NBEAL1: variants seen among roughly 807,000 people sequenced by gnomAD.
The protein encoded by NBEAL1 is neurobeachin-like protein 1.
Under a neutral mutation model 351.3 loss-of-function variants are expected in NBEAL1, and 273 were observed. That is an observed-to-expected ratio of 0.78 (90% confidence interval 0.70 to 0.86). The LOEUF is 0.86. Ranked by LOEUF, NBEAL1 falls within the 40% of genes least tolerant of loss-of-function variation. NBEAL1 has a pLI of 0.00. For missense variants in NBEAL1, 2,961 were observed against 3,201.3 expected (o/e 0.92, Z 1.81); for synonymous variants, 1,050 against 1,086.4 (o/e 0.97, Z 0.66).
chr2:203,133,127 G>A lies in NBEAL1; in HGVS notation c.3794G>A (p.Arg1265Lys). The change falls in exon 27 of 56, where the codon AGA (arginine) becomes AAA (lysine). Residue 1265 changes from arginine to lysine, a missense_variant. Physicochemically the swap from Arg to Lys is conservative, Grantham distance 26. Transcript: ENST00000683969. ...YISHRAHINVRVAICRKVLQI... is the reference protein window; with the variant it reads ...YISHRAHINVKVAICRKVLQI... The stretch of plus-strand genomic sequence containing the variant: ...TCTCACAGAGCACATATAAATGTTA[G>A]AGTGGCCATCTGCAGAAAGGTCAGT... 1 of 1,496,536 alleles carries A rather than the reference G, an allele frequency of 6.7e-7. No homozygotes were observed. Among genetic ancestry groups the A allele is most frequent in the Non-Finnish European group, 9.1e-7 (1 of 1,103,934 alleles). The allele number at this position is 1,496,536 out of a possible 1,614,324, so 92.7% of individuals were successfully genotyped here.
chr2:203,024,278 C>T (rs889938944), intron 2 of NBEAL1, among the ~76,000 whole-genome samples: 1 of 151,828 alleles, frequency 6.6e-6, no homozygotes, highest in Non-Finnish European at 1.5e-5. Context: ...GTATTACGGT[C>T]CGCATCTGGT....
intron 8 of NBEAL1, among the ~76,000 whole-genome samples, chr2:203,080,269 G>A (rs1261489387): frequency 6.6e-6 from 1 of 151,966 alleles, no homozygotes; most frequent in East Asian, 1.9e-4. Context: ...AAAATTAGCC[G>A]GGCATGGTGG....
intron 33 of NBEAL1, among the ~76,000 whole-genome samples, chr2:203,147,088 T>A (rs571381587): frequency 3.3e-5 from 5 of 152,268 alleles, no homozygotes; most frequent in South Asian, 2.1e-4. Context: ...TGAGTACTTT[T>A]CTCTAAGATA....
chr2:203,057,589 A>G, intron 6 of NBEAL1, 136 bp downstream of exon 6: 1 of 656,222 alleles, frequency 1.5e-6, no homozygotes, highest in Non-Finnish European at 2.5e-6. Flanking sequence ...GAGCTAGAGA[A>G]ATATGTTGGA....
intron 51 of NBEAL1, among the ~76,000 whole-genome samples, chr2:203,207,626 C>T (rs540251464): frequency 5.3e-5 from 8 of 152,332 alleles, no homozygotes; most frequent in Admixed American, 2.6e-4. Context: ...CAACCCTGTG[C>T]TCTCTGAAAC....
intron 7 of NBEAL1, among the ~76,000 whole-genome samples, chr2:203,073,332 T>G (rs1437336811): frequency 6.6e-6 from 1 of 152,252 alleles, no homozygotes; most frequent in Non-Finnish European, 1.5e-5. Flanking sequence ...TCACATGAAT[T>G]GTGTTGAATT....
chr2:203,129,144 C>T (rs1296730157), intron 24 of NBEAL1, among the ~76,000 whole-genome samples: 1 of 152,064 alleles, frequency 6.6e-6, no homozygotes, highest in African/African-American at 2.4e-5. Flanking sequence ...ATTTGAGAAC[C>T]ACTGCTATAA....
chr2:203,177,167 A>AT (rs2064534146), intron 42 of NBEAL1, among the ~76,000 whole-genome samples: 1 of 150,736 alleles, frequency 6.6e-6, no homozygotes, highest in Non-Finnish European at 1.5e-5. Flanking sequence ...AAAAAAAAAA[A>AT]GGAAAAGAAA....
At chr2:203,048,944 C>T (rs2061277542) in intron 3 of NBEAL1, among the ~76,000 whole-genome samples, 2 of 150,634 alleles carry the variant, frequency 1.3e-5, no homozygotes, top group South Asian at 4.2e-4. Flanking sequence ...TATCTTTTCT[C>T]CCTCTTCTGA....
chr2:203,104,190 A>ATACT (rs746166852), intron 12 of NBEAL1, among the ~76,000 whole-genome samples: 2 of 151,938 alleles, frequency 1.3e-5, no homozygotes, highest in Non-Finnish European at 2.9e-5. Context: ...CTGTCCAAGT[A>ATACT]TACTGTAGGT....
intron 4 of NBEAL1, among the ~76,000 whole-genome samples, chr2:203,052,908 G>A (rs575620087): frequency 3.9e-5 from 6 of 152,022 alleles, no homozygotes; most frequent in African/African-American, 7.2e-5. Context: ...TTTGTAGCTT[G>A]ATAGCCCATT....
At chr2:203,028,013 A>G (rs2060887545) in intron 2 of NBEAL1, among the ~76,000 whole-genome samples, 1 of 152,034 alleles carries the variant, frequency 6.6e-6, no homozygotes. Context: ...CCTCCCGAGT[A>G]GGTGGGACTA....
At chr2:203,167,767 A>G (rs2064181301) in intron 38 of NBEAL1, among the ~76,000 whole-genome samples, 1 of 152,244 alleles carries the variant, frequency 6.6e-6, no homozygotes, top group South Asian at 2.1e-4. Flanking sequence ...CCACATTACC[A>G]GGGTCCGTGT....
At chr2:203,057,262 A>C (rs1193015696) in intron 5 of NBEAL1, 64 bp from the exon 6 acceptor site, 2 of 1,424,544 alleles carry the variant, frequency 1.4e-6, no homozygotes, top group Non-Finnish European at 1.9e-6. Flanking sequence ...GTTTGAATAC[A>C]AATGACTTAT....
In NBEAL1 at chr2:203,201,597, G is replaced by C; in HGVS notation, c.7293G>C (p.Lys2431Asn). 1 of 1,611,912 alleles carries C rather than the reference G, an allele frequency of 6.2e-7. No homozygotes were observed. The highest frequency in any genetic ancestry group is 1.1e-5 in the South Asian group (1 of 90,692). The change falls in exon 50 of 56, where the codon AAG (lysine) becomes AAC (asparagine). Residue 2431 changes from lysine to asparagine, a missense_variant. By Grantham distance (94) the Lys-to-Asn change is moderately conservative. Coordinates refer to ENST00000683969, the MANE Select transcript of NBEAL1 (RefSeq NM_001378026.1). Reference protein sequence around the residue: ...SFAPGLEITSKLFVVSHDAKL... With the variant: ...SFAPGLEITSNLFVVSHDAKL... ...CTCCCGGGCTAGAGATCACTTCTAA[G>C]CTATTTGTAGTATCACATGATGCAA...
chr2:203,120,237 A>G (rs907206481), intron 18 of NBEAL1, among the ~76,000 whole-genome samples: 3 of 152,186 alleles, frequency 2.0e-5, no homozygotes, highest in African/African-American at 4.8e-5. Flanking sequence ...TGAGAGGTAT[A>G]TGGTATTATT....
chr2:203,191,107 G>A lies in NBEAL1; in HGVS notation c.6921+718G>A, dbSNP rs541030088. ...TGGGAATATCACTTTTGATGAGATCGTCAACATTGTTCGACAGATGCGGCA... is the reference window on the plus strand; with the variant it reads ...TGGGAATATCACTTTTGATGAGATCATCAACATTGTTCGACAGATGCGGCA... On this transcript the variant is annotated intron_variant, in intron 46 of 55. Coordinates refer to ENST00000683969, the MANE Select transcript of NBEAL1 (RefSeq NM_001378026.1). The A allele has an allele frequency of 4.3e-4, 694 of 1,597,082 alleles. 3 individuals carry two copies. In the African/African-American group the frequency reaches 8.3e-3, roughly 19 times the overall value.
chr2:203,024,723 A>G (rs2106001101), intron 2 of NBEAL1, among the ~76,000 whole-genome samples: 1 of 152,022 alleles, frequency 6.6e-6, no homozygotes, highest in Admixed American at 6.5e-5. Context: ...TTAGCTGTGT[A>G]TGGTGGTGCA....
intron 8 of NBEAL1, among the ~76,000 whole-genome samples, chr2:203,078,130 A>C (rs577333773): frequency 6.6e-6 from 1 of 152,186 alleles, no homozygotes; most frequent in Non-Finnish European, 1.5e-5. Flanking sequence ...GAGGAAGTCA[A>C]CCTCATCAGT....
Sources: allele counts gnomAD v4.1 joint callset (sites outside exome capture counted in the v4.1 genomes callset), GRCh38; gene constraint gnomAD v4.1.1; transcripts MANE v1.5; gene names NCBI Gene and HGNC (gene_info 2026-07-23, HGNC 2026-07-21).